ADK: variants seen among roughly 807,000 people sequenced by gnomAD.
ADK encodes the protein adenosine kinase.
Under a neutral mutation model 44.7 loss-of-function variants are expected in ADK, and 24 were observed. That is an observed-to-expected ratio of 0.54 (90% CI 0.39 to 0.76). The LOEUF (loss-of-function observed/expected upper bound fraction) is 0.76, where lower values mean the gene tolerates loss of function less well. ADK is among the 30% of genes least tolerant of loss of function. The pLI is 0.00. For synonymous variants in ADK, 128 were observed against 142.6 expected (o/e 0.90, Z 0.73); for missense variants, 321 against 425.1 (o/e 0.76, Z 2.15).
At chr10:74,218,717 C>T (rs1407018609) in intron 2 of ADK, among the ~76,000 whole-genome samples, 1 of 152,178 alleles carries the variant, frequency 6.6e-6, no homozygotes, top group Admixed American at 6.5e-5. Context: ...CAATATTCAA[C>T]ATTCTTAAAG....
At chr10:74,443,729 A>G (rs1845502497) in intron 6 of ADK, among the ~76,000 whole-genome samples, 1 of 152,168 alleles carries the variant, frequency 6.6e-6, no homozygotes, top group African/African-American at 2.4e-5. Flanking sequence ...TAAAAAATAG[A>G]TGGTATTAAC....
Position 74,665,731 on chromosome 10 carries a change from G to C in ADK, c.878-4452G>C, listed in dbSNP as rs981854577. 9.1e-5 allele frequency among the ~76,000 whole-genome samples: 11 copies of C among 120,770 alleles called. No homozygotes were observed. The East Asian group carries it at 2.5e-3, about 28-fold the overall frequency. 79.2% of individuals were successfully genotyped at this position (120,770 alleles called of 152,430 possible). ...GCCTGGGAGGCAGAGTGAGACCTTA[G>C]CTCTTGAGAGAGAGAGAGAGAGAGA... On this transcript the variant is annotated intron_variant, in intron 9 of 10. Coordinates refer to ENST00000539909, the MANE Select transcript of ADK (RefSeq NM_006721.4).
intron 3 of ADK, among the ~76,000 whole-genome samples, chr10:74,274,732 G>GTGTGTATATATATATATA (rs1554836801): frequency 3.6e-5 from 3 of 84,170 alleles, no homozygotes; most frequent in Non-Finnish European, 5.1e-5. Context: ...TTTAATGTGT[G>GTGTGTATATATATATATA]TATATATATA....
intron 9 of ADK, among the ~76,000 whole-genome samples, chr10:74,612,519 A>C (rs1188887847): frequency 6.6e-6 from 1 of 152,086 alleles, no homozygotes; most frequent in Non-Finnish European, 1.5e-5. Context: ...TTCCTTATAG[A>C]TTCTGGATAT....
chr10:74,520,910 C>T (rs1848801942), intron 6 of ADK, among the ~76,000 whole-genome samples: 1 of 152,050 alleles, frequency 6.6e-6, no homozygotes, highest in African/African-American at 2.4e-5. Flanking sequence ...ATCTACTTTG[C>T]TTTTGGTTAT....
At chr10:74,399,923 C>G (rs1452612732) in intron 6 of ADK, among the ~76,000 whole-genome samples, 1 of 152,060 alleles carries the variant, frequency 6.6e-6, no homozygotes, top group Non-Finnish European at 1.5e-5. Flanking sequence ...AGCCAACTTG[C>G]AAACAACTCA....
In ADK at chr10:74,483,291, G is replaced by T. The variant is rs142364372; in HGVS notation, c.556-41965G>T. Among the ~76,000 whole-genome samples the T allele has an allele frequency of 4.1e-3, 624 of 152,268 alleles. 6 individuals are homozygous for T. The highest frequency in any genetic ancestry group is 0.031 in the Middle Eastern group (9 of 294). ...AGCAGTGGCCTGAGATGTATCTGGG[G>T]CTCTTTTTTCCATGGCTGGGACGCA... On this transcript the variant is annotated intron_variant, in intron 6 of 10. Coordinates refer to ENST00000539909, the MANE Select transcript of ADK (RefSeq NM_006721.4).
chr10:74,512,071 G>A (rs1027397331), intron 6 of ADK, among the ~76,000 whole-genome samples: 7 of 152,060 alleles, frequency 4.6e-5, no homozygotes, highest in Admixed American at 2.6e-4. Context: ...TATGATTTTT[G>A]TCCTTCATTC....
At chr10:74,409,736 A>T (rs1393915068) in intron 6 of ADK, among the ~76,000 whole-genome samples, 1 of 152,222 alleles carries the variant, frequency 6.6e-6, no homozygotes, top group Admixed American at 6.5e-5. Flanking sequence ...AAGTATGATT[A>T]TAGGTCAGTA....
At chr10:74,261,711 G>T (rs973763072) in intron 3 of ADK, among the ~76,000 whole-genome samples, 1 of 152,148 alleles carries the variant, frequency 6.6e-6, no homozygotes, top group African/African-American at 2.4e-5. Flanking sequence ...TGTTTCCTAT[G>T]TGAAGTTTGA....
rs571235463 is a variant in ADK, at chr10:74,597,549, T to C, written c.763-2830T>C. 8.5e-5 allele frequency among the ~76,000 whole-genome samples: 13 copies of C among 152,356 alleles called. No individual in the cohort carries two copies. The South Asian group carries it at 2.5e-3, about 29-fold the overall frequency. On this transcript the variant is annotated intron_variant, in intron 8 of 10. Coordinates refer to ENST00000539909, the MANE Select transcript of ADK (RefSeq NM_006721.4). ...TCCTCACTCTTGTTGTTCATGAACT[T>C]TATACTTTTGAAAATTATTGGTCAG... is the stretch of plus-strand genomic sequence containing the variant.
chr10:74,219,421 G>A (rs1412682190), intron 2 of ADK, among the ~76,000 whole-genome samples: 2 of 152,072 alleles, frequency 1.3e-5, no homozygotes, highest in African/African-American at 4.8e-5. Flanking sequence ...TTAATAATGG[G>A]AGACTTTAAC....
At chr10:74,351,806 C>T (rs1392590840) in intron 4 of ADK, among the ~76,000 whole-genome samples, 2 of 152,064 alleles carry the variant, frequency 1.3e-5, no homozygotes, top group Non-Finnish European at 2.9e-5. Flanking sequence ...TGAGTGAACT[C>T]CCATTCACAA....
intron 9 of ADK, among the ~76,000 whole-genome samples, chr10:74,628,484 A>G (rs960998723): frequency 3.3e-5 from 5 of 151,444 alleles, no homozygotes; most frequent in Non-Finnish European, 7.4e-5. Context: ...AAAAAACTTA[A>G]TCCAGGTGAG....
intron 3 of ADK, among the ~76,000 whole-genome samples, chr10:74,248,581 A>G (rs1031047279): frequency 2.0e-5 from 3 of 152,032 alleles, no homozygotes; most frequent in Non-Finnish European, 4.4e-5. Flanking sequence ...GTCTTGATCT[A>G]CTGACCTCAT....
At position 74,285,523 on chromosome 10, in the gene ADK, CATCTAT is replaced by C. The variant is rs1847128473; in HGVS notation, c.195-29135_195-29130del. Among the ~76,000 whole-genome samples, 3 of 151,650 alleles carry C rather than the reference CATCTAT, an allele frequency of 2.0e-5. No individual in the cohort carries two copies. In the South Asian group the frequency reaches 6.3e-4, roughly 32 times the overall value. On this transcript the variant is annotated intron_variant, in intron 3 of 10. Coordinates refer to ENST00000539909, the MANE Select transcript of ADK (RefSeq NM_006721.4). ...CTAGGTTGTATTTTATATATTTATA[CATCTAT>C]ATCTATATATCTATATCTATATGCA...
chr10:74,468,224 G>C lies in ADK; in HGVS notation c.556-57032G>C, dbSNP rs79933431. 6.2e-4 allele frequency among the ~76,000 whole-genome samples: 95 copies of C among 152,254 alleles called. 7 individuals carry two copies. In the East Asian group the frequency reaches 0.018, roughly 29 times the overall value. On this transcript the variant is annotated intron_variant, in intron 6 of 10. Coordinates refer to ENST00000539909, the MANE Select transcript of ADK (RefSeq NM_006721.4). ...TCTCACTGTTTTCGTAAAGACAAAG[G>C]CTATGCCTTAACTTTTTTGCCATTC...
chr10:74,554,808 G>A (rs1295595064), intron 7 of ADK, among the ~76,000 whole-genome samples: 2 of 151,288 alleles, frequency 1.3e-5, no homozygotes, highest in Non-Finnish European at 2.9e-5. Context: ...AATTGTTGTA[G>A]TGAAGCAGTG....
chr10:74,269,869 G>A lies in ADK; in HGVS notation c.195-44798G>A, dbSNP rs895216378. The stretch of plus-strand genomic sequence containing the variant: ...AAAAATTAGCTGGGCGTGGTGGCAC[G>A]TGCCAGTAGTCCCAGCTACTCGGGA... On this transcript the variant is annotated intron_variant, in intron 3 of 10. Transcript: ENST00000539909. Among the ~76,000 whole-genome samples, 3 of 152,228 alleles carry A rather than the reference G, an allele frequency of 2.0e-5. No homozygotes were observed. The East Asian group carries it at 5.8e-4, about 29-fold the overall frequency.
Sources: gnomAD v4.1 joint callset for allele counts (sites outside exome capture counted in the v4.1 genomes callset) on GRCh38, gnomAD v4.1.1 for gene constraint, MANE v1.5 for transcripts, NCBI Gene and HGNC (gene_info 2026-07-23, HGNC 2026-07-21) for gene names.